MCM3AP: variants seen among roughly 807,000 people sequenced by gnomAD.
The protein encoded by MCM3AP is minichromosome maintenance complex component 3 associated protein.
MCM3AP carries 126 observed loss-of-function variants against 184.1 expected under a neutral mutation model. The ratio of observed to expected loss-of-function variants is 0.68; its 90% CI spans 0.59 to 0.79. MCM3AP has a LOEUF of 0.79. Ranked by LOEUF, MCM3AP falls within the 30% of genes least tolerant of loss-of-function variation. The pLI is 0.00. For synonymous variants in MCM3AP, 1,002 were observed against 979.3 expected (o/e 1.02, Z -0.43); for missense variants, 2,496 against 2,479.2 (o/e 1.01, Z -0.14).
At position 46,277,670 on chromosome 21, in the gene MCM3AP, C is replaced by T. The variant is rs951973804; in HGVS notation, c.1715G>A (p.Gly572Glu). 1.0e-5 allele frequency: 16 copies of T among 1,606,140 alleles called. No individual in the cohort carries two copies. Among genetic ancestry groups the T allele is most frequent in the African/African-American group, 5.4e-5 (4 of 74,510 alleles). ...PSLLKAHQFE[G>E]DSFDSASEGS... The stretch of plus-strand genomic sequence containing the variant: ...CTCGGAGGCTGAGTCAAAAGAGTCT[C>T]CCTCGAATTGGTGGGCCTTTAGAAG... The change falls in exon 5 of 28, where the codon GGA (glycine) becomes GAA (glutamate). Residue 572 changes from glycine (G) to glutamate (E), a missense_variant. Around this residue, in one of 5 missense-constraint regions of MCM3AP, gnomAD observed 800 missense variants for 717.1 expected, o/e 1.12. Coordinates refer to ENST00000291688, the MANE Select transcript of MCM3AP (RefSeq NM_003906.5).
chr21:46,258,971 C>G lies in MCM3AP; in HGVS notation c.3702G>C (p.Gln1234His), dbSNP rs201001511. 16 of 1,614,118 alleles carry G rather than the reference C, an allele frequency of 9.9e-6. No homozygotes were observed. In the East Asian group the frequency reaches 3.6e-4, roughly 36 times the overall value. Residue 1234 changes from glutamine to histidine, a missense_variant, in exon 16 of 28, where the codon CAG becomes CAC. Physicochemically the swap from Gln to His is conservative, Grantham distance 24. This residue lies in a region of MCM3AP where 1,323 missense variants were observed against 1,273.4 expected (regional missense o/e 1.04). Transcript: ENST00000291688. ...EIFQTAKETLQELQCFCKYLQ... is the reference protein window; with the variant it reads ...EIFQTAKETLHELQCFCKYLQ... ...GATACTTGCAGAAGCACTGAAGCTC[C>G]TGGAGGGTCTCCTTTGCAGTCTGGA...
chr21:46,235,212 T>C lies in MCM3AP; in HGVS notation c.*56A>G. On this transcript the variant is annotated 3_prime_UTR_variant, in exon 28 of 28. Transcript: ENST00000291688. ...ATCAAGCATCTGAGAATAACATTAT[T>C]TTGAGTAAAAACAGAAACTCTTCGG... The C allele has an allele frequency of 1.3e-6, 2 of 1,559,494 alleles. No homozygotes were observed. Among genetic ancestry groups the C allele is most frequent in the Non-Finnish European group, 1.8e-6 (2 of 1,135,702 alleles).
At position 46,280,709 on chromosome 21, in the gene MCM3AP, A is replaced by T. The variant is rs2081321119; in HGVS notation, c.1444-134T>A. The T allele has an allele frequency of 6.3e-6, 4 of 631,970 alleles. No individual in the cohort carries two copies. In the South Asian group the frequency reaches 8.5e-5, roughly 13 times the overall value. The allele number at this position is 631,970 out of a possible 1,614,324, so 39.1% of individuals were successfully genotyped here. A position where few individuals can be genotyped will look rare whatever the true frequency, so the allele number is the denominator to read the frequency against. ...AGCTCCTGTCCTTTGCACGACAGTG[A>T]TTTCTCCACCCACACGTCTGCTAAC... On this transcript the variant is annotated intron_variant, in intron 2 of 27. Coordinates refer to ENST00000291688, the MANE Select transcript of MCM3AP (RefSeq NM_003906.5).
At chr21:46,261,128 C>T (rs1203259340) in intron 14 of MCM3AP, 152 bp downstream of exon 14, 1 of 1,043,714 alleles carries the variant, frequency 9.6e-7, no homozygotes, top group East Asian at 2.4e-5. Flanking sequence ...CTCCATCCAC[C>T]CCCTGGGCTG....
At chr21:46,281,739 G>A (rs13049759) in intron 2 of MCM3AP, among the ~76,000 whole-genome samples, 42,520 of 151,644 alleles carry the variant, frequency 0.28, 6,892 homozygotes, top group Admixed American at 0.39. Context: ...GGTGGCTCAC[G>A]CCTGTAATCC....
In MCM3AP at chr21:46,272,928, T is replaced by G. The variant is rs111371442; in HGVS notation, c.2197-99A>C. On this transcript the variant is annotated intron_variant, in intron 7 of 27. Coordinates refer to ENST00000291688, the MANE Select transcript of MCM3AP (RefSeq NM_003906.5). Reference sequence around the variant, plus strand: ...CGACCTCAATTTCTCACTTTTCAATTTGAAACAAAGCCCATGATGCACATT... The same window carrying G: ...CGACCTCAATTTCTCACTTTTCAATGTGAAACAAAGCCCATGATGCACATT... 137 of 1,194,994 alleles carry G rather than the reference T, an allele frequency of 1.1e-4. 1 individual carries two copies. The African/African-American group carries it at 1.7e-3, about 15-fold the overall frequency. 74.0% of individuals were successfully genotyped at this position (1,194,994 alleles called of 1,614,324 possible). A position where few individuals can be genotyped will look rare whatever the true frequency, so the allele number is the denominator to read the frequency against.
chr21:46,276,920 T>C (rs897863435), intron 5 of MCM3AP, among the ~76,000 whole-genome samples: 2 of 151,980 alleles, frequency 1.3e-5, no homozygotes, highest in Non-Finnish European at 2.9e-5. Context: ...TTATTATTTA[T>C]TTATTTATTG....
chr21:46,237,431 G>T (rs9976868), intron 26 of MCM3AP, among the ~76,000 whole-genome samples: 20,820 of 117,092 alleles, frequency 0.18, 3,787 homozygotes, highest in East Asian at 0.68. Context: ...TTTTGACAAG[G>T]TCTCGCTCTG....
At chr21:46,278,679 C>CTT (rs1569080453) in intron 4 of MCM3AP, among the ~76,000 whole-genome samples, 1 of 149,930 alleles carries the variant, frequency 6.7e-6, no homozygotes. Flanking sequence ...TAGGAGACAG[C>CTT]CTTTTTTTTT....
chr21:46,284,510 C>T lies in MCM3AP; in HGVS notation c.777G>A (p.Leu259=), dbSNP rs1189142073. 4 of 1,614,160 alleles carry T rather than the reference C, an allele frequency of 2.5e-6. No homozygotes were observed. In the South Asian group the frequency reaches 4.4e-5, roughly 18 times the overall value. The part of the protein sequence containing the change: ...FSSFPVSSAV[L]GEPFQASKAG... ...CTTTGCTAGCCTGGAAAGGTTCGCC[C>T]AAAACCGCAGATGATACAGGGAAGC... Residue 259 remains leucine (L), a synonymous_variant, in exon 1 of 28, where the codon TTG becomes TTA. Coordinates refer to ENST00000291688, the MANE Select transcript of MCM3AP (RefSeq NM_003906.5).
chr21:46,270,488 C>G lies in MCM3AP; in HGVS notation c.2541G>C (p.Leu847Phe). The G allele has an allele frequency of 6.2e-7, 1 of 1,613,844 alleles. No homozygotes were observed. Among genetic ancestry groups the G allele is most frequent in the Non-Finnish European group, 8.5e-7 (1 of 1,179,852 alleles). The change falls in exon 9 of 28, where the codon TTG becomes TTC. Residue 847 changes from leucine to phenylalanine, a missense_variant. Transcript: ENST00000291688. The part of the protein sequence containing the change: ...VKFAVQAFAA[L>F]NSNNFVRFFK... ...AAAATCTCACAAAATTATTACTGTTCAATGCAGCAAAAGCCTGAACAGCAA... is the reference window on the plus strand; with the variant it reads ...AAAATCTCACAAAATTATTACTGTTGAATGCAGCAAAAGCCTGAACAGCAA...
chr21:46,236,014 C>T (rs1460580795), intron 27 of MCM3AP, among the ~76,000 whole-genome samples: 3 of 152,160 alleles, frequency 2.0e-5, no homozygotes, highest in Non-Finnish European at 2.9e-5. Flanking sequence ...AATCAGACTC[C>T]CATCTTCGGA....
chr21:46,269,629 C>A (rs1398165380), intron 9 of MCM3AP, among the ~76,000 whole-genome samples: 1 of 152,136 alleles, frequency 6.6e-6, no homozygotes, highest in Non-Finnish European at 1.5e-5. Context: ...AAGGCAGGTC[C>A]CAGGATCTCC....
chr21:46,273,337 C>A (rs767088705), intron 7 of MCM3AP, 51 bp downstream of exon 7: 3 of 1,519,012 alleles, frequency 2.0e-6, no homozygotes, highest in Non-Finnish European at 2.7e-6. Context: ...ATCAGTTTGA[C>A]TTTGGAATTT....
chr21:46,244,839 T>TGGAACCC lies in MCM3AP; in HGVS notation c.4999_5005dup (p.Gln1669ArgfsTer54). 1 of 1,613,994 alleles carries TGGAACCC rather than the reference T, an allele frequency of 6.2e-7. No homozygotes were observed. Among genetic ancestry groups the TGGAACCC allele is most frequent in the Non-Finnish European group, 8.5e-7 (1 of 1,179,928 alleles). On this transcript the variant is annotated frameshift_variant, in exon 23 of 28. Transcript: ENST00000291688. LOFTEE classifies it high-confidence loss of function. ...GGGTGGAAGGTCCATCTGCGGAAGC[T>TGGAACCC]GGAACCCGAGCACAGCCTGCTTCAG...
In MCM3AP at chr21:46,272,793, C is replaced by A. The variant is rs780514620; in HGVS notation, c.2233G>T (p.Val745Leu). 1.4e-5 allele frequency: 23 copies of A among 1,609,510 alleles called. No individual in the cohort carries two copies. The highest frequency in any genetic ancestry group is 2.0e-5 in the Non-Finnish European group (23 of 1,177,072). ...CGGGTGCACTTCTCAATCAGGGACA[C>A]CGTCAGGGGGTCACAGAGGTGCTGC... ...TQQHLCDPLT[V>L]SLIEKCTRFH... Residue 745 changes from valine (V) to leucine (L), a missense_variant, in exon 8 of 28, where the codon GTG becomes TTG. This residue lies in a region of MCM3AP where 105 missense variants were observed against 97.1 expected (regional missense o/e 1.08). Transcript: ENST00000291688.
rs765237333 is a variant in MCM3AP, at chr21:46,273,600, C to T, written c.1999-15G>A. ...GCGTGGTCCACCTAGAGACATGAAG[C>T]CGAGACAGGATGCCCATGTGGCATA... On this transcript the variant is annotated splice_polypyrimidine_tract_variant and intron_variant, in intron 6 of 27. Coordinates refer to ENST00000291688, the MANE Select transcript of MCM3AP (RefSeq NM_003906.5). 6.2e-7 allele frequency: 1 copy of T among 1,611,122 alleles called. No homozygotes were observed. The highest frequency in any genetic ancestry group is 2.2e-5 in the East Asian group (1 of 44,804).
chr21:46,266,566 T>C (rs1252990793), intron 10 of MCM3AP: 6 of 232,802 alleles, frequency 2.6e-5, no homozygotes, highest in Non-Finnish European at 5.0e-5. Flanking sequence ...GCTGCCAGTT[T>C]CTGAGAGAGC....
chr21:46,246,682 C>A lies in MCM3AP; in HGVS notation c.4495G>T (p.Val1499Leu). The A allele has an allele frequency of 6.2e-7, 1 of 1,614,228 alleles. No individual in the cohort carries two copies. Among genetic ancestry groups the A allele is most frequent in the Non-Finnish European group, 8.5e-7 (1 of 1,180,014 alleles). Residue 1499 changes from valine to leucine, a missense_variant, in exon 21 of 28, where the codon GTG (valine) becomes TTG (leucine). Transcript: ENST00000291688. Reference sequence around the variant, plus strand: ...CCTCCTGGGCTAGGCACAAGAACCACCAGAGGAAGCGCAGGCTGGAAGGGC... The same window carrying A: ...CCTCCTGGGCTAGGCACAAGAACCAACAGAGGAAGCGCAGGCTGGAAGGGC... ...AKPFQPALPL[V>L]VLVPSPGGDA...
Sources: gnomAD v4.1 joint callset for allele counts (sites outside exome capture counted in the v4.1 genomes callset) on GRCh38, gnomAD v4.1.1 for gene constraint, gnomAD v4.1.1 regional missense constraint, MANE v1.5 for transcripts, NCBI Gene and HGNC (gene_info 2026-07-23, HGNC 2026-07-21) for gene names.